SLC35A3: variants seen among roughly 807,000 people sequenced by gnomAD.
The protein encoded by SLC35A3 is UDP-N-acetylglucosamine transporter.
SLC35A3 carries 26 observed loss-of-function variants against 39.0 expected under a neutral mutation model. The ratio of observed to expected loss-of-function variants is 0.67; its 90% CI spans 0.49 to 0.92. The LOEUF is 0.92. Ranked by LOEUF, SLC35A3 falls within the 40% of genes least tolerant of loss-of-function variation. SLC35A3 has a pLI of 0.00. For synonymous variants in SLC35A3, 135 were observed against 133.1 expected (o/e 1.01, Z -0.10); for missense variants, 299 against 371.6 (o/e 0.80, Z 1.61).
chr1:99,998,176 T>C (rs1316175597), intron 2 of SLC35A3, among the ~76,000 whole-genome samples: 7 of 149,600 alleles, frequency 4.7e-5, no homozygotes, highest in Admixed American at 4.7e-4. Context: ...TTTTTTGAGA[T>C]GGGGATCTTG....
chr1:99,991,557 C>A (rs1658085647), intron 1 of SLC35A3, among the ~76,000 whole-genome samples: 1 of 152,092 alleles, frequency 6.6e-6, no homozygotes, highest in Admixed American at 6.5e-5. Context: ...CTTTGTATTT[C>A]CATATGATTT....
intron 5 of SLC35A3, among the ~76,000 whole-genome samples, chr1:100,014,680 G>A (rs1444484485): frequency 6.6e-6 from 1 of 152,156 alleles, no homozygotes; most frequent in Admixed American, 6.5e-5. Flanking sequence ...ATTCGAATGG[G>A]CTAGCCATGT....
intron 1 of SLC35A3, among the ~76,000 whole-genome samples, chr1:99,983,770 C>A (rs764331816): frequency 2.6e-5 from 4 of 151,538 alleles, no homozygotes; most frequent in Non-Finnish European, 5.9e-5. Flanking sequence ...GGATTACAGG[C>A]GCCCACCACG....
intron 1 of SLC35A3, among the ~76,000 whole-genome samples, chr1:99,989,117 T>C (rs1049979942): frequency 6.6e-6 from 1 of 152,220 alleles, no homozygotes; most frequent in Non-Finnish European, 1.5e-5. Context: ...CTGTTTGCTC[T>C]AAATCCCCTT....
In SLC35A3 at chr1:100,027,688, A is replaced by G. The variant is rs1186394033; in HGVS notation, c.*5212A>G. 1 of 152,298 alleles carries G rather than the reference A, an allele frequency of 6.6e-6. No individual in the cohort carries two copies. The highest frequency in any genetic ancestry group is 1.9e-4 in the East Asian group (1 of 5,206). 9.4% of individuals were successfully genotyped at this position (152,298 alleles called of 1,614,324 possible). ...ATGCATGGAGATCAATTGTGATAAT[A>G]TACAGGATTTTAGTCCTATCTCTAC... On this transcript the variant is annotated 3_prime_UTR_variant, in exon 8 of 8. Transcript: ENST00000533028.
chr1:100,000,785 C>T (rs1658724580), intron 3 of SLC35A3: 1 of 152,098 alleles, frequency 6.6e-6, no homozygotes, highest in African/African-American at 2.4e-5. Context: ...TCTGCCCTGA[C>T]CAATGTCCTG....
rs537107577 is a variant in SLC35A3 at position 100,022,031 on chromosome 1, C to CA, written c.888-354dup. On this transcript the variant is annotated intron_variant, in intron 7 of 7. Coordinates refer to ENST00000533028, the MANE Select transcript of SLC35A3 (RefSeq NM_012243.3). ...CTTAAAATAGCTTTGCTTTGGAAGA[C>CA]AGTATAGTGCAGTCGATGAGAGTGC... Among the ~76,000 whole-genome samples the CA allele has an allele frequency of 7.3e-3, 1,111 of 152,278 alleles. 9 individuals carry two copies. Among genetic ancestry groups the CA allele is most frequent in the African/African-American group, 0.026 (1,068 of 41,554 alleles).
intron 1 of SLC35A3, among the ~76,000 whole-genome samples, chr1:99,989,919 C>G (rs1251070211): frequency 6.6e-6 from 1 of 152,044 alleles, no homozygotes; most frequent in African/African-American, 2.4e-5. Context: ...TGCATGCCAC[C>G]ATGCCTAGCT....
chr1:99,999,612 A>G (rs532107439), intron 3 of SLC35A3, among the ~76,000 whole-genome samples, 197 bp downstream of exon 3: 8 of 152,158 alleles, frequency 5.3e-5, no homozygotes, highest in African/African-American at 1.9e-4. Context: ...CTTCTCTTCT[A>G]GTTATTTTGA....
intron 2 of SLC35A3, 43 bp downstream of exon 2, chr1:99,993,784 T>A: frequency 1.3e-6 from 2 of 1,528,822 alleles, no homozygotes; most frequent in Non-Finnish European, 1.8e-6. Flanking sequence ...GCAATTTATT[T>A]AGTTTGCATA....
rs898990989 is a variant in SLC35A3, at chr1:100,031,606, G to A, written c.*9130G>A. On this transcript the variant is annotated 3_prime_UTR_variant, in exon 8 of 8. Coordinates refer to ENST00000533028, the MANE Select transcript of SLC35A3 (RefSeq NM_012243.3). ...ATAAGAAAAGTCAGCCCTCCCTATGGGTGGGTTTCACATCCTGCAAATAAC... is the reference window on the plus strand; with the variant it reads ...ATAAGAAAAGTCAGCCCTCCCTATGAGTGGGTTTCACATCCTGCAAATAAC... The A allele has an allele frequency of 6.6e-6, 1 of 152,112 alleles. No individual in the cohort carries two copies. Among genetic ancestry groups the A allele is most frequent in the African/African-American group, 2.4e-5 (1 of 41,464 alleles). 9.4% of individuals were successfully genotyped at this position (152,112 alleles called of 1,614,324 possible).
At chr1:100,001,089 C>A (rs1658758214) in intron 3 of SLC35A3, among the ~76,000 whole-genome samples, 1 of 152,062 alleles carries the variant, frequency 6.6e-6, no homozygotes, top group South Asian at 2.1e-4. Context: ...AAACAAATTC[C>A]ATGCTATTTT....
Position 100,007,025 on chromosome 1 carries a change from C to A in SLC35A3, c.343-9C>A, listed in dbSNP as rs768989935. Reference sequence around the variant, plus strand: ...CGAACATTAATAATATTACTGTTTTCTTTTTCAGGTCACGTATCAGTTAAA... The same window carrying A: ...CGAACATTAATAATATTACTGTTTTATTTTTCAGGTCACGTATCAGTTAAA... On this transcript the variant is annotated splice_polypyrimidine_tract_variant and intron_variant, in intron 3 of 7. Transcript: ENST00000533028. 2 of 1,591,970 alleles carry A rather than the reference C, an allele frequency of 1.3e-6. No individual in the cohort carries two copies. Among genetic ancestry groups the A allele is most frequent in the Admixed American group, 3.7e-5 (2 of 54,594 alleles).
chr1:100,007,130 T>C lies in SLC35A3; in HGVS notation c.439T>C (p.Leu147=), dbSNP rs1055726. The change falls in exon 4 of 8, where the codon TTG becomes CTG. Residue 147 remains leucine, a synonymous_variant. Coordinates refer to ENST00000533028, the MANE Select transcript of SLC35A3 (RefSeq NM_012243.3). ...ATACCAGTGGCTGTCCCTAGTAATT[T>C]TGATGACAGGAGTTGCTTTTGTACA... ...GVYQWLSLVI[L]MTGVAFVQWP... The C allele has an allele frequency of 1.8e-5, 29 of 1,610,976 alleles. 1 individual carries two copies. Among genetic ancestry groups the C allele is most frequent in the Admixed American group, 3.4e-5 (2 of 59,606 alleles).
chr1:99,976,600 T>G (rs1184861210), intron 1 of SLC35A3, among the ~76,000 whole-genome samples: 1 of 152,212 alleles, frequency 6.6e-6, no homozygotes, highest in African/African-American at 2.4e-5. Flanking sequence ...AAAACTATGA[T>G]ACATATACAC....
chr1:99,995,173 G>T, intron 2 of SLC35A3, among the ~76,000 whole-genome samples: 1 of 98,580 alleles, frequency 1.0e-5, no homozygotes, highest in East Asian at 2.7e-4. Flanking sequence ...TTTTTTTCGA[G>T]ACTGAGTCTC....
At chr1:99,995,037 G>C (rs2101143996) in intron 2 of SLC35A3, among the ~76,000 whole-genome samples, 1 of 151,246 alleles carries the variant, frequency 6.6e-6, no homozygotes, top group South Asian at 2.1e-4. Flanking sequence ...TTGTGGTTTT[G>C]ACTTGTGTTT....
At chr1:100,018,357 T>G (rs1435162720) in intron 7 of SLC35A3, among the ~76,000 whole-genome samples, 1 of 152,178 alleles carries the variant, frequency 6.6e-6, no homozygotes, top group Non-Finnish European at 1.5e-5. Flanking sequence ...CAGACAGCAT[T>G]GAAAATTCTA....
intron 1 of SLC35A3, among the ~76,000 whole-genome samples, chr1:99,973,068 C>T (rs1015264930): frequency 6.6e-6 from 1 of 152,142 alleles, no homozygotes; most frequent in African/African-American, 2.4e-5. Flanking sequence ...GTTACAGAAT[C>T]AATGGAAAGA....
Sources: allele counts gnomAD v4.1 joint callset (sites outside exome capture counted in the v4.1 genomes callset), GRCh38; gene constraint gnomAD v4.1.1; transcripts MANE v1.5; gene names NCBI Gene and HGNC (gene_info 2026-07-23, HGNC 2026-07-21).